DNAH6: variants seen among roughly 807,000 people sequenced by gnomAD.
DNAH6 encodes axonemal beta dynein heavy chain 6.
DNAH6 carries 340 observed loss-of-function variants against 491.4 expected under a neutral mutation model. The ratio of observed to expected loss-of-function variants is 0.69; its 90% confidence interval spans 0.63 to 0.76. The LOEUF is 0.76. Ranked by LOEUF, DNAH6 falls within the 30% of genes least tolerant of loss-of-function variation. DNAH6 has a pLI of 0.00. For missense variants in DNAH6, 4,443 were observed against 4,972.2 expected (o/e 0.89, Z 3.20); for synonymous variants, 1,603 against 1,686.1 (o/e 0.95, Z 1.21).
chr2:84,671,557 G>T (rs1316565398), intron 39 of DNAH6, among the ~76,000 whole-genome samples: 1 of 152,172 alleles, frequency 6.6e-6, no homozygotes, highest in African/African-American at 2.4e-5. Flanking sequence ...CTCCTGCTTA[G>T]GTAGGCAAAG....
the DNAH6 span, among the ~76,000 whole-genome samples, chr2:84,464,268 G>A: frequency 3.0e-4 from 46 of 152,206 alleles, 1 homozygote; most frequent in African/African-American, 1.1e-3. Context: ...GCCTCCGTGG[G>A]CTACAAGAAA....
chr2:84,769,270 G>A (rs373824270), intron 64 of DNAH6, among the ~76,000 whole-genome samples: 5 of 152,308 alleles, frequency 3.3e-5, no homozygotes, highest in South Asian at 2.1e-4. Flanking sequence ...CATATTTTAC[G>A]TGCCTATGGC....
intron 37 of DNAH6, among the ~76,000 whole-genome samples, chr2:84,669,061 T>C (rs1692461816): frequency 6.6e-6 from 1 of 152,154 alleles, no homozygotes. Context: ...AATTCTGACA[T>C]GGGTTTTAAT....
intron 58 of DNAH6, among the ~76,000 whole-genome samples, chr2:84,716,933 C>G (rs1697591586): frequency 1.3e-5 from 2 of 152,212 alleles, no homozygotes; most frequent in African/African-American, 2.4e-5. Flanking sequence ...CTCTGCTCTG[C>G]TGAGCTCCTG....
At chr2:84,807,000 C>A (rs1679485020) in intron 71 of DNAH6, among the ~76,000 whole-genome samples, 2 of 152,154 alleles carry the variant, frequency 1.3e-5, no homozygotes, top group Non-Finnish European at 2.9e-5. Context: ...GCTGCAGAGA[C>A]CATGCACTTG....
the DNAH6 span, among the ~76,000 whole-genome samples, chr2:84,479,581 G>GA: frequency 1.3e-5 from 2 of 152,164 alleles, no homozygotes; most frequent in Non-Finnish European, 2.9e-5. Flanking sequence ...GAAAGAACCA[G>GA]AAAAAAGCAA....
intron 60 of DNAH6, among the ~76,000 whole-genome samples, chr2:84,726,835 G>A (rs986351857): frequency 6.6e-6 from 1 of 151,994 alleles, no homozygotes; most frequent in African/African-American, 2.4e-5. Flanking sequence ...CCACTTAAAA[G>A]TTGCAGAAAA....
chr2:84,502,235 G>T, the DNAH6 span, among the ~76,000 whole-genome samples: 1 of 151,924 alleles, frequency 6.6e-6, no homozygotes, highest in African/African-American at 2.4e-5. Flanking sequence ...ATTATGATTT[G>T]CTCAAGAAAT....
intron 2 of DNAH6, 128 bp from the exon 3 acceptor site, chr2:84,525,437 C>A: frequency 1.1e-6 from 1 of 909,312 alleles, no homozygotes; most frequent in Non-Finnish European, 1.6e-6. Context: ...ATTAGGACTG[C>A]ATCTTTGATA....
At chr2:84,605,299 G>A (rs1182375379) in intron 19 of DNAH6, among the ~76,000 whole-genome samples, 2 of 146,968 alleles carry the variant, frequency 1.4e-5, no homozygotes, top group Non-Finnish European at 1.5e-5. Flanking sequence ...CTTGCAGTGA[G>A]CCGAGGTTAC....
intron 63 of DNAH6, among the ~76,000 whole-genome samples, chr2:84,758,455 A>G (rs1447361508): frequency 6.6e-6 from 1 of 152,176 alleles, no homozygotes; most frequent in Non-Finnish European, 1.5e-5. Flanking sequence ...CCAAAACCAG[A>G]TAAGGACACA....
At chr2:84,806,233 CTA>C in intron 71 of DNAH6, among the ~76,000 whole-genome samples, 1 of 152,328 alleles carries the variant, frequency 6.6e-6, no homozygotes, top group Admixed American at 6.5e-5. Flanking sequence ...AAAAGCTCTA[CTA>C]GACAGTCCTG....
intron 40 of DNAH6, among the ~76,000 whole-genome samples, chr2:84,675,786 G>C (rs1305676856): frequency 6.6e-6 from 1 of 152,134 alleles, no homozygotes; most frequent in Non-Finnish European, 1.5e-5. Context: ...AGCCCCCCGA[G>C]TAGCTGGGAC....
At chr2:84,548,725 C>T (rs1347690337) in intron 8 of DNAH6, among the ~76,000 whole-genome samples, 4 of 152,080 alleles carry the variant, frequency 2.6e-5, no homozygotes, top group Non-Finnish European at 5.9e-5. Context: ...GCCCAGAAGA[C>T]CCCCTTTTCA....
chr2:84,782,519 C>G (rs1676789675), intron 65 of DNAH6, among the ~76,000 whole-genome samples: 1 of 152,194 alleles, frequency 6.6e-6, no homozygotes, highest in South Asian at 2.1e-4. Context: ...CCAGTCTGCT[C>G]TGGTCACTGA....
the DNAH6 span, among the ~76,000 whole-genome samples, chr2:84,483,265 A>G: frequency 1.3e-5 from 2 of 152,016 alleles, no homozygotes; most frequent in African/African-American, 4.8e-5. Context: ...CACCTGGCCA[A>G]TAATTTGTAT....
intron 40 of DNAH6, among the ~76,000 whole-genome samples, chr2:84,675,997 G>A (rs1022880336): frequency 2.6e-5 from 4 of 152,126 alleles, no homozygotes; most frequent in East Asian, 1.9e-4. Context: ...GCTTTAAGAC[G>A]GAATAGGTGG....
chr2:84,811,149 T>C (rs2105334582), intron 72 of DNAH6, among the ~76,000 whole-genome samples: 1 of 152,122 alleles, frequency 6.6e-6, no homozygotes, highest in African/African-American at 2.4e-5. Context: ...TGAAAAGAGG[T>C]ACAGGGAGAA....
chr2:84,729,284 C>T (rs1698931103), intron 61 of DNAH6, among the ~76,000 whole-genome samples: 1 of 152,134 alleles, frequency 6.6e-6, no homozygotes, highest in South Asian at 2.1e-4. Context: ...GATAGTTAGG[C>T]ACAGAAAGGT....
Sources: gnomAD v4.1 joint callset for allele counts (sites outside exome capture counted in the v4.1 genomes callset) on GRCh38, gnomAD v4.1.1 for gene constraint, MANE v1.5 for transcripts, NCBI Gene and HGNC (gene_info 2026-07-23, HGNC 2026-07-21) for gene names.